Variants in ARHGAP10 observed in about 807,000 individuals in gnomAD.
ARHGAP10 encodes Rho GTPase activating protein 10, also known as rho GTPase-activating protein 10.
A neutral mutation model predicts 108.6 loss-of-function variants in ARHGAP10; 87 were observed. The observed-to-expected ratio is 0.80, with a 90% CI of 0.67 to 0.96. The LOEUF is 0.96. Among genes scored for constraint, ARHGAP10 ranks in the 40% least tolerant of loss-of-function variants. ARHGAP10 has a pLI of 0.00. For missense variants in ARHGAP10, 939 were observed against 954.5 expected, an observed-to-expected ratio of 0.98 and a Z score of 0.21; for synonymous variants, 347 against 341.1, an observed-to-expected ratio of 1.02 and a Z score of -0.19.
chr4:147,795,734 G>T lies in ARHGAP10; in HGVS notation c.155-26993G>T, dbSNP rs144976888. 4.5e-3 allele frequency among the ~76,000 whole-genome samples: 658 copies of T among 144,928 alleles called. 9 individuals are homozygous for T. Among genetic ancestry groups the T allele is most frequent in the East Asian group, 0.036 (179 of 4,936 alleles). On this transcript the variant is annotated intron_variant, in intron 1 of 22. Transcript: ENST00000336498. ...TTTTTGGAGACAGTCTCACTCTGTT[G>T]CCCAGGCTGGAGTGCTGTGGCGTGA... is the stretch of plus-strand genomic sequence containing the variant.
chr4:148,053,303 G>A (rs1409750587), intron 20 of ARHGAP10, among the ~76,000 whole-genome samples: 4 of 152,304 alleles, frequency 2.6e-5, no homozygotes, highest in Admixed American at 2.6e-4. Flanking sequence ...ACCCTGCCCC[G>A]ATTCTGAAAC....
intron 12 of ARHGAP10, among the ~76,000 whole-genome samples, chr4:147,912,203 A>G (rs1005987072): frequency 4.6e-5 from 7 of 152,012 alleles, no homozygotes; most frequent in African/African-American, 1.5e-4. Context: ...TATGTATACT[A>G]TTGGTAAATA....
intron 13 of ARHGAP10, among the ~76,000 whole-genome samples, chr4:147,915,132 A>G (rs935922664): frequency 4.6e-5 from 7 of 152,202 alleles, no homozygotes; most frequent in Admixed American, 1.3e-4. Flanking sequence ...GCCACCTATG[A>G]AACTAGTGTG....
chr4:147,792,892 G>C (rs918995228), intron 1 of ARHGAP10, among the ~76,000 whole-genome samples: 1 of 152,194 alleles, frequency 6.6e-6, no homozygotes, highest in Non-Finnish European at 1.5e-5. Context: ...GCTCACTCCT[G>C]TAATCCCAGC....
chr4:147,835,806 A>G (rs970471467), intron 3 of ARHGAP10, among the ~76,000 whole-genome samples: 2 of 152,260 alleles, frequency 1.3e-5, no homozygotes, highest in African/African-American at 4.8e-5. Context: ...AAAAAATTCA[A>G]AATTGCCTCA....
At chr4:147,784,734 A>G (rs1320248432) in intron 1 of ARHGAP10, among the ~76,000 whole-genome samples, 1 of 29,836 alleles carries the variant, frequency 3.4e-5, no homozygotes, top group African/African-American at 5.8e-5. Flanking sequence ...ATTATAAAAT[A>G]TATATTATAA....
intron 22 of ARHGAP10, among the ~76,000 whole-genome samples, chr4:148,064,812 G>A (rs957125160): frequency 1.3e-5 from 2 of 152,166 alleles, no homozygotes; most frequent in African/African-American, 4.8e-5. Context: ...CTTAAGAAAT[G>A]TTTCTGATTT....
chr4:148,051,335 C>T (rs1295414436), intron 20 of ARHGAP10, among the ~76,000 whole-genome samples: 2 of 152,136 alleles, frequency 1.3e-5, no homozygotes, highest in Admixed American at 6.6e-5. Context: ...TCGAATGTTC[C>T]AAAGTCATTT....
rs145382568 is a variant in ARHGAP10 at position 148,005,754 on chromosome 4, T to G, written c.1717-17509T>G. On this transcript the variant is annotated intron_variant, in intron 18 of 22. Coordinates refer to ENST00000336498, the MANE Select transcript of ARHGAP10 (RefSeq NM_024605.4). ...GTCCTTTCTCTTTCATGATTGAGGT[T>G]CTTGTGTCTTGTCCTTCGATGACAA... Among the ~76,000 whole-genome samples, 85 of 152,378 alleles carry G rather than the reference T, an allele frequency of 5.6e-4. No homozygotes were observed. In the East Asian group the frequency reaches 0.016, roughly 28 times the overall value.
chr4:147,829,726 C>T (rs1275549916), intron 3 of ARHGAP10, among the ~76,000 whole-genome samples: 1 of 152,152 alleles, frequency 6.6e-6, no homozygotes, highest in East Asian at 1.9e-4. Flanking sequence ...GGCAGCTGTC[C>T]AGGAATCTAA....
chr4:148,053,651 C>T (rs1398990701), intron 20 of ARHGAP10, among the ~76,000 whole-genome samples: 1 of 152,184 alleles, frequency 6.6e-6, no homozygotes, highest in Non-Finnish European at 1.5e-5. Context: ...GGCCATCTAC[C>T]ATCACATTGT....
At chr4:148,062,790 C>T (rs1054696245) in intron 20 of ARHGAP10, among the ~76,000 whole-genome samples, 4 of 152,102 alleles carry the variant, frequency 2.6e-5, no homozygotes, top group African/African-American at 9.7e-5. Flanking sequence ...TGCTAGATTC[C>T]TGTGGTTTTC....
chr4:147,807,683 A>G, intron 1 of ARHGAP10, among the ~76,000 whole-genome samples: 1 of 152,372 alleles, frequency 6.6e-6, no homozygotes, highest in Middle Eastern at 3.4e-3. Context: ...AATAGAGCAA[A>G]TAAAGACTGT....
intron 9 of ARHGAP10, among the ~76,000 whole-genome samples, chr4:147,880,987 C>T (rs972037932): frequency 6.6e-6 from 1 of 152,138 alleles, no homozygotes; most frequent in African/African-American, 2.4e-5. Context: ...TGAAAATTAA[C>T]ATTTGGCCAG....
At chr4:147,973,287 C>G (rs1739479253) in intron 18 of ARHGAP10, among the ~76,000 whole-genome samples, 1 of 152,162 alleles carries the variant, frequency 6.6e-6, no homozygotes, top group African/African-American at 2.4e-5. Flanking sequence ...GTCTAGTGAC[C>G]TGTTAGCTTA....
intron 1 of ARHGAP10, among the ~76,000 whole-genome samples, chr4:147,813,475 T>C (rs1001114402): frequency 3.9e-5 from 6 of 152,104 alleles, no homozygotes; most frequent in African/African-American, 1.4e-4. Flanking sequence ...AATTTTAATT[T>C]AGGAAATCAG....
At chr4:147,759,519 T>A (rs1729509472) in intron 1 of ARHGAP10, among the ~76,000 whole-genome samples, 1 of 151,988 alleles carries the variant, frequency 6.6e-6, no homozygotes, top group Admixed American at 6.6e-5. Context: ...GGCTGTAGTT[T>A]GCTATGTTTG....
chr4:147,807,439 TA>T (rs1288846229), intron 1 of ARHGAP10, among the ~76,000 whole-genome samples: 8 of 152,146 alleles, frequency 5.3e-5, no homozygotes, highest in Middle Eastern at 6.8e-3. Context: ...ATTCCAGAAT[TA>T]TTTTTTTTTT....
intron 16 of ARHGAP10, among the ~76,000 whole-genome samples, chr4:147,962,996 A>C (rs1036431752): frequency 6.6e-6 from 1 of 152,136 alleles, no homozygotes; most frequent in African/African-American, 2.4e-5. Flanking sequence ...TATCTCCCAC[A>C]TAACTTTTTC....
Sources: gnomAD v4.1 joint callset for allele counts (sites outside exome capture counted in the v4.1 genomes callset) on GRCh38, gnomAD v4.1.1 for gene constraint, MANE v1.5 for transcripts, NCBI Gene and HGNC (gene_info 2026-07-23, HGNC 2026-07-21) for gene names.